Variants in AFG2A observed in about 807,000 individuals in gnomAD.
AFG2A encodes ATPase family gene 2 protein homolog A.
chr4:123,078,030 G>GGA, the AFG2A span, among the ~76,000 whole-genome samples: 8 of 152,166 alleles, frequency 5.3e-5, no homozygotes, highest in African/African-American at 1.9e-4. Context: ...AAGTAGCATG[G>GGA]GAGAGGGTCA....
the AFG2A span, among the ~76,000 whole-genome samples, chr4:123,292,403 G>C: frequency 1.3e-5 from 2 of 152,116 alleles, no homozygotes; most frequent in Non-Finnish European, 2.9e-5. Flanking sequence ...CTATTGCTGG[G>C]AGGTTAGTGA....
chr4:123,114,194 G>A, the AFG2A span, among the ~76,000 whole-genome samples: 2 of 152,114 alleles, frequency 1.3e-5, no homozygotes, highest in African/African-American at 4.8e-5. Context: ...CAGAGGGGAG[G>A]AAGTGCATGC....
chr4:123,229,774 G>C, the AFG2A span, among the ~76,000 whole-genome samples: 6 of 151,892 alleles, frequency 4.0e-5, no homozygotes, highest in African/African-American at 1.5e-4. Flanking sequence ...TGCTGTGTCA[G>C]TTAGAGAGAT....
chr4:123,000,213 G>A, the AFG2A span, among the ~76,000 whole-genome samples: 26 of 150,526 alleles, frequency 1.7e-4, no homozygotes, highest in East Asian at 7.8e-4. Context: ...GGCTGAGACA[G>A]TGGGGTTTTC....
At chr4:123,049,518 A>G in the AFG2A span, among the ~76,000 whole-genome samples, 7 of 151,940 alleles carry the variant, frequency 4.6e-5, no homozygotes, top group East Asian at 3.9e-4. Flanking sequence ...TATTGCTTCA[A>G]TCTTCTTGTT....
the AFG2A span, among the ~76,000 whole-genome samples, chr4:123,033,280 A>G: frequency 6.6e-6 from 1 of 152,186 alleles, no homozygotes; most frequent in African/African-American, 2.4e-5. Flanking sequence ...TAGTCTCAGA[A>G]CTTTCTGACT....
At chr4:123,137,757 G>A in the AFG2A span, among the ~76,000 whole-genome samples, 59 of 151,650 alleles carry the variant, frequency 3.9e-4, no homozygotes, top group African/African-American at 1.4e-3. Context: ...TTCATTCTTC[G>A]GTTTTCCTTT....
chr4:123,311,598 G>A, the AFG2A span, among the ~76,000 whole-genome samples: 2 of 130,526 alleles, frequency 1.5e-5, no homozygotes, highest in Admixed American at 9.1e-5. Flanking sequence ...CTGCACTCCA[G>A]CCTGGTGACA....
the AFG2A span, among the ~76,000 whole-genome samples, chr4:123,149,043 A>G: frequency 1.3e-5 from 2 of 152,156 alleles, no homozygotes; most frequent in African/African-American, 4.8e-5. Context: ...TGCTGGGATT[A>G]TAGGCGTGAG....
chr4:123,130,107 C>G, the AFG2A span, among the ~76,000 whole-genome samples: 1 of 151,994 alleles, frequency 6.6e-6, no homozygotes, highest in Admixed American at 6.6e-5. Flanking sequence ...CTCCTGGGCT[C>G]AAACCATCCC....
At chr4:123,018,571 T>C in the AFG2A span, among the ~76,000 whole-genome samples, 1 of 152,202 alleles carries the variant, frequency 6.6e-6, no homozygotes, top group Non-Finnish European at 1.5e-5. Context: ...TGGTAGTGTT[T>C]ATCCTTCTCT....
the AFG2A span, among the ~76,000 whole-genome samples, chr4:123,204,943 G>T: frequency 4.4e-3 from 669 of 152,216 alleles, 11 homozygotes; most frequent in Non-Finnish European, 3.0e-3. Flanking sequence ...AATGGAAATT[G>T]GCAATCACTA....
the AFG2A span, among the ~76,000 whole-genome samples, chr4:123,243,233 C>T: frequency 6.6e-6 from 1 of 152,120 alleles, no homozygotes; most frequent in Non-Finnish European, 1.5e-5. Flanking sequence ...TTGACCCAGC[C>T]ATCCCATTAC....
chr4:123,185,673 G>GT, the AFG2A span, among the ~76,000 whole-genome samples: 7 of 152,042 alleles, frequency 4.6e-5, no homozygotes, highest in Admixed American at 6.6e-5. Context: ...TGATAGATAT[G>GT]TTTTTTTCTT....
chr4:122,946,720 CTT>C, the AFG2A span, among the ~76,000 whole-genome samples: 1 of 151,868 alleles, frequency 6.6e-6, no homozygotes, highest in Non-Finnish European at 1.5e-5. Context: ...ATTGTTGACT[CTT>C]ATTTTCAGGA....
the AFG2A span, among the ~76,000 whole-genome samples, chr4:123,241,392 T>C: frequency 0.043 from 6,603 of 152,246 alleles, 484 homozygotes; most frequent in African/African-American, 0.15. Flanking sequence ...AATAAAATAC[T>C]GGCAAACCGA....
chr4:123,071,000 T>G, the AFG2A span, among the ~76,000 whole-genome samples: 3 of 152,244 alleles, frequency 2.0e-5, no homozygotes, highest in African/African-American at 7.2e-5. Context: ...AAGCATTTAA[T>G]CTGCTTAAAT....
chr4:123,209,686 T>A, the AFG2A span, among the ~76,000 whole-genome samples: 2 of 151,042 alleles, frequency 1.3e-5, no homozygotes, highest in Non-Finnish European at 2.9e-5. Context: ...TTCCTGGGCT[T>A]AAGCGATCTT....
chr4:122,929,251 TAA>T, the AFG2A span: 2 of 1,482,872 alleles, frequency 1.3e-6, no homozygotes, highest in Non-Finnish European at 1.8e-6. Flanking sequence ...AGTAGAAATA[TAA>T]GAGTCACAAA....
Sources: allele counts gnomAD v4.1 joint callset (sites outside exome capture counted in the v4.1 genomes callset), GRCh38; gene constraint gnomAD v4.1.1; transcripts MANE v1.5; gene names NCBI Gene and HGNC (gene_info 2026-07-23, HGNC 2026-07-21).